The following DRD2 variants were observed in gnomAD, a reference collection of about 807,000 sequenced individuals.
DRD2 encodes D(2) dopamine receptor.
DRD2 carries 8 observed loss-of-function variants against 38.0 expected under a neutral mutation model. That is an observed-to-expected ratio of 0.21 (90% CI 0.12 to 0.38). The LOEUF is 0.38. Ranked by LOEUF, DRD2 falls within the 10% of genes least tolerant of loss-of-function variation. DRD2 has a pLI of 1.00. For synonymous variants in DRD2, 230 were observed against 238.6 expected, an observed-to-expected ratio of 0.96 and a Z score of 0.33; for missense variants, 403 against 607.7, an observed-to-expected ratio of 0.66 and a Z score of 3.54.
At chr11:113,434,892 G>T (rs1169710641) in intron 1 of DRD2, among the ~76,000 whole-genome samples, 1 of 152,198 alleles carries the variant, frequency 6.6e-6, no homozygotes, top group Non-Finnish European at 1.5e-5. Flanking sequence ...GTCCCCAGGG[G>T]GAGGCTGGAG....
chr11:113,475,258 G>A lies in DRD2; in HGVS notation c.-214C>T, dbSNP rs937203091. On this transcript the variant is annotated 5_prime_UTR_variant, in exon 1 of 8. Coordinates refer to ENST00000362072, the MANE Select transcript of DRD2 (RefSeq NM_000795.4). ...GCCCCGGCGGGCAGCAGCTCGGCCG[G>A]CTCTGGCCCGCGGGGAGCAGTGGAC... 2.0e-5 allele frequency: 3 copies of A among 148,974 alleles called. No individual in the cohort carries two copies. The highest frequency in any genetic ancestry group is 7.3e-5 in the African/African-American group (3 of 41,016). The allele number at this position is 148,974 out of a possible 1,614,324, so 9.2% of individuals were successfully genotyped here. A position where few individuals can be genotyped will look rare whatever the true frequency, so the allele number is the denominator to read the frequency against.
chr11:113,448,511 G>C (rs1022138351), intron 1 of DRD2, among the ~76,000 whole-genome samples: 5 of 152,202 alleles, frequency 3.3e-5, no homozygotes, highest in Non-Finnish European at 5.9e-5. Context: ...GAAGGAGGTG[G>C]CATCTCAGTA....
intron 1 of DRD2, among the ~76,000 whole-genome samples, chr11:113,431,748 C>T (rs913685194): frequency 3.3e-5 from 5 of 152,244 alleles, no homozygotes; most frequent in African/African-American, 1.2e-4. Flanking sequence ...GATGTAGAGG[C>T]AGGCACTTCC....
intron 1 of DRD2, among the ~76,000 whole-genome samples, chr11:113,465,685 C>G (rs1951361884): frequency 6.6e-6 from 1 of 152,134 alleles, no homozygotes; most frequent in African/African-American, 2.4e-5. Flanking sequence ...GAGGAAAAAC[C>G]CTGGGCAGAA....
intron 1 of DRD2, among the ~76,000 whole-genome samples, chr11:113,461,979 C>G (rs1350294519): frequency 6.6e-6 from 1 of 152,140 alleles, no homozygotes; most frequent in African/African-American, 2.4e-5. Flanking sequence ...TCAAGGGACC[C>G]CCTTCCTTCC....
At chr11:113,443,557 G>A (rs745346193) in intron 1 of DRD2, among the ~76,000 whole-genome samples, 3 of 152,188 alleles carry the variant, frequency 2.0e-5, no homozygotes, top group Admixed American at 6.5e-5. Flanking sequence ...GGACGCTGAC[G>A]GATGTGCACC....
At chr11:113,415,751 T>C (rs1343707503) in intron 4 of DRD2, 140 bp from the exon 5 acceptor site, 1 of 949,896 alleles carries the variant, frequency 1.1e-6, no homozygotes, top group Non-Finnish European at 1.6e-6. Context: ...TAAGGCTGCC[T>C]GGTCATCTTA....
intron 1 of DRD2, among the ~76,000 whole-genome samples, chr11:113,432,758 C>T (rs1222036816): frequency 6.6e-6 from 1 of 152,190 alleles, no homozygotes; most frequent in Non-Finnish European, 1.5e-5. Context: ...TGCCCCTACC[C>T]CTCCAGGCAA....
chr11:113,417,036 C>T, intron 3 of DRD2, 37 bp from the exon 4 acceptor site: 2 of 1,609,120 alleles, frequency 1.2e-6, no homozygotes, highest in Non-Finnish European at 1.7e-6. Flanking sequence ...GGGGTGCAGG[C>T]CCAGGGACCC....
intron 1 of DRD2, among the ~76,000 whole-genome samples, chr11:113,451,164 A>G (rs2119906967): frequency 6.6e-6 from 1 of 152,346 alleles, no homozygotes; most frequent in South Asian, 2.1e-4. Flanking sequence ...GACTGGCTAG[A>G]TTCTTTTAAG....
At position 113,466,439 on chromosome 11, in the gene DRD2, T is replaced by TC. The variant is rs554262565; in HGVS notation, c.-32+8636_-32+8637insG. ...TTCCTCAACAGCCCCCCCAGTGCAT[T>TC]TTCTCCATGAGTGTGTCTGATTGAA... is the stretch of plus-strand genomic sequence containing the variant. On this transcript the variant is annotated intron_variant, in intron 1 of 7. Coordinates refer to ENST00000362072, the MANE Select transcript of DRD2 (RefSeq NM_000795.4). Among the ~76,000 whole-genome samples the TC allele has an allele frequency of 1.5e-4, 22 of 150,960 alleles. No individual in the cohort carries two copies. In the East Asian group the frequency reaches 4.1e-3, roughly 28 times the overall value.
At chr11:113,467,337 A>G (rs748863245) in intron 1 of DRD2, among the ~76,000 whole-genome samples, 1 of 152,186 alleles carries the variant, frequency 6.6e-6, no homozygotes, top group East Asian at 1.9e-4. Context: ...TAGACCAAGA[A>G]AAAGGCCAAC....
chr11:113,471,519 C>A (rs1468030588), intron 1 of DRD2, among the ~76,000 whole-genome samples: 1 of 152,248 alleles, frequency 6.6e-6, no homozygotes, highest in Non-Finnish European at 1.5e-5. Flanking sequence ...TAAGAGGCTA[C>A]CTACAAAGGA....
chr11:113,470,317 C>T (rs1951411353), intron 1 of DRD2, among the ~76,000 whole-genome samples: 1 of 152,176 alleles, frequency 6.6e-6, no homozygotes, highest in African/African-American at 2.4e-5. Context: ...GCCAGGACTC[C>T]CTTTGGCTCC....
At chr11:113,428,395 G>A (rs34535530) in intron 1 of DRD2, among the ~76,000 whole-genome samples, 7,361 of 152,272 alleles carry the variant, frequency 0.048, 264 homozygotes, top group Non-Finnish European at 0.069. Flanking sequence ...CTGTCCCAGG[G>A]AAAGCAGCGA....
At chr11:113,446,088 G>A (rs1028798128) in intron 1 of DRD2, among the ~76,000 whole-genome samples, 3 of 152,074 alleles carry the variant, frequency 2.0e-5, no homozygotes, top group South Asian at 2.1e-4. Context: ...AGACCTCAGC[G>A]GCATGTTTCA....
chr11:113,436,962 G>C (rs745647565), intron 1 of DRD2, among the ~76,000 whole-genome samples: 3 of 152,214 alleles, frequency 2.0e-5, no homozygotes, highest in Middle Eastern at 3.4e-3. Flanking sequence ...CCCTGGGGAC[G>C]AGCCCTGGCA....
intron 1 of DRD2, among the ~76,000 whole-genome samples, chr11:113,465,046 C>T (rs568918089): frequency 6.6e-6 from 1 of 152,172 alleles, no homozygotes; most frequent in Non-Finnish European, 1.5e-5. Flanking sequence ...TGCAAACTCT[C>T]CTAGGTACTC....
At chr11:113,423,006 T>G (rs1436317202) in intron 2 of DRD2, among the ~76,000 whole-genome samples, 4 of 152,172 alleles carry the variant, frequency 2.6e-5, no homozygotes, top group Non-Finnish European at 4.4e-5. Context: ...AAATGCCTGA[T>G]CCCATGCCTT....
Sources: gnomAD v4.1 joint callset for allele counts (sites outside exome capture counted in the v4.1 genomes callset) on GRCh38, gnomAD v4.1.1 for gene constraint, MANE v1.5 for transcripts, NCBI Gene and HGNC (gene_info 2026-07-23, HGNC 2026-07-21) for gene names.